The following FN1 variants were observed in gnomAD, a reference collection of about 807,000 sequenced individuals.
FN1 encodes fibronectin 1, also known as fibronectin.
Under a neutral mutation model 297.3 loss-of-function variants are expected in FN1, and 106 were observed. That is an observed-to-expected ratio of 0.36 (90% CI 0.30 to 0.42). The LOEUF (loss-of-function observed/expected upper bound fraction) is 0.42. Ranked by LOEUF, FN1 falls within the 10% of genes least tolerant of loss-of-function variation. The pLI, the probability that FN1 is intolerant of heterozygous loss-of-function variation, is 1.00. For synonymous variants in FN1, 1,149 were observed against 1,152.6 expected (o/e 1.00, Z 0.06); for missense variants, 2,690 against 3,124.9 (o/e 0.86, Z 3.32).
intron 12 of FN1, among the ~76,000 whole-genome samples, chr2:215,416,469 C>A (rs968443500): frequency 3.3e-5 from 5 of 152,024 alleles, no homozygotes; most frequent in Non-Finnish European, 1.5e-5. Flanking sequence ...GACAACTATT[C>A]AAGAAAAATT....
chr2:215,367,717 T>C, intron 42 of FN1, 146 bp downstream of exon 42: 1 of 818,240 alleles, frequency 1.2e-6, no homozygotes, highest in African/African-American at 1.7e-5. Flanking sequence ...TGATGCAAAA[T>C]ATTACTTCGA....
chr2:215,400,262 G>A (rs952475652), intron 20 of FN1, among the ~76,000 whole-genome samples: 2 of 151,954 alleles, frequency 1.3e-5, no homozygotes, highest in African/African-American at 2.4e-5. Context: ...TGCAATAAAA[G>A]ATGCTATATA....
chr2:215,391,932 C>T, intron 25 of FN1, 118 bp from the exon 26 acceptor site: 1 of 844,770 alleles, frequency 1.2e-6, no homozygotes, highest in Non-Finnish European at 2.0e-6. Flanking sequence ...CATAATCATG[C>T]AAACAGTCTA....
In FN1 at chr2:215,435,913, G is replaced by C. The variant is rs2067403456; in HGVS notation, c.-111C>G. The C allele has an allele frequency of 2.1e-6, 3 of 1,456,450 alleles. No homozygotes were observed. Among genetic ancestry groups the C allele is most frequent in the Admixed American group, 2.4e-5 (1 of 42,280 alleles). 90.2% of individuals were successfully genotyped at this position (1,456,450 alleles called of 1,614,324 possible). Reference sequence around the variant, plus strand: ...CTTCTAATGCCTCCCGGGGGTTGTCGCCTCCAAGAAGGTGGGGGCCAGAGG... The same window carrying C: ...CTTCTAATGCCTCCCGGGGGTTGTCCCCTCCAAGAAGGTGGGGGCCAGAGG... On this transcript the variant is annotated 5_prime_UTR_variant, in exon 1 of 46. Transcript: ENST00000354785.
At chr2:215,400,018 T>C (rs965680428) in intron 20 of FN1, among the ~76,000 whole-genome samples, 3 of 151,906 alleles carry the variant, frequency 2.0e-5, no homozygotes, top group African/African-American at 4.8e-5. Context: ...TGAAACCCTG[T>C]CTCTATTAAA....
Position 215,407,208 on chromosome 2 carries a change from T to C in FN1, c.2632A>G (p.Ile878Val), listed in dbSNP as rs748525241. The change falls in exon 18 of 46, where the codon ATC becomes GTC. Residue 878 changes from isoleucine (I) to valine (V), a missense_variant. Ile to Val is a conservative substitution (Grantham distance 29). This residue lies in a region of FN1 where 71 missense variants were observed against 121.7 expected (regional missense o/e 0.58). Transcript: ENST00000354785. ...TTTTCTTCCACAGCATAGATAGTGA[T>C]GTTATACTGAACACCAGGTTGCAAG... ...SDLQPGVQYN[I>V]TIYAVEENQE... 6.2e-7 allele frequency: 1 copy of C among 1,613,926 alleles called. No homozygotes were observed. The highest frequency in any genetic ancestry group is 8.5e-7 in the Non-Finnish European group (1 of 1,179,902).
chr2:215,416,070 C>G (rs988109243), intron 12 of FN1, among the ~76,000 whole-genome samples: 1 of 152,058 alleles, frequency 6.6e-6, no homozygotes, highest in Non-Finnish European at 1.5e-5. Flanking sequence ...AAAAAAAATA[C>G]ATTGATTTTC....
chr2:215,424,049 G>T, intron 8 of FN1, 97 bp downstream of exon 8: 1 of 1,218,084 alleles, frequency 8.2e-7, no homozygotes, highest in Non-Finnish European at 1.2e-6. Flanking sequence ...ATGCTTCTTG[G>T]GCGGGTTCAA....
chr2:215,361,692 T>A, intron 45 of FN1, 66 bp from the exon 46 acceptor site: 1 of 1,243,632 alleles, frequency 8.0e-7, no homozygotes, highest in Non-Finnish European at 1.2e-6. Context: ...GAAAAAAAAA[T>A]GCGGGGAGGT....
At chr2:215,399,544 T>A (rs1309215692) in intron 20 of FN1, among the ~76,000 whole-genome samples, 193 bp from the exon 21 acceptor site, 1 of 152,160 alleles carries the variant, frequency 6.6e-6, no homozygotes, top group East Asian at 1.9e-4. Flanking sequence ...ACACACATCA[T>A]CTGGGGTCTG....
intron 20 of FN1, among the ~76,000 whole-genome samples, chr2:215,401,342 G>T (rs1247047681): frequency 1.3e-5 from 2 of 151,528 alleles, no homozygotes; most frequent in African/African-American, 4.9e-5. Context: ...AAAGGGAAAG[G>T]AAAGGAAAGA....
Position 215,381,056 on chromosome 2 carries a change from GCCAGT to G in FN1, c.5184_5188del (p.Leu1729IlefsTer3). ...GGAATCGACATCCACATCAGTGAATGCCAGTCCTTTAGGGCGATCAATGTCTGTTA... is the reference window on the plus strand; with the variant it reads ...GGAATCGACATCCACATCAGTGAATGCCTTTAGGGCGATCAATGTCTGTTA... On this transcript the variant is annotated frameshift_variant, in exon 33 of 46. Transcript: ENST00000354785. LOFTEE classifies it high-confidence loss of function. 6.2e-7 allele frequency: 1 copy of G among 1,614,184 alleles called. No homozygotes were observed. The highest frequency in any genetic ancestry group is 8.5e-7 in the Non-Finnish European group (1 of 1,179,986).
At chr2:215,429,751 C>T (rs1191709533) in intron 5 of FN1, among the ~76,000 whole-genome samples, 3 of 152,192 alleles carry the variant, frequency 2.0e-5, no homozygotes, top group African/African-American at 7.2e-5. Context: ...ATGTTCATTT[C>T]ATATCTGCAC....
At chr2:215,366,263 T>G (rs1310218605) in intron 42 of FN1, among the ~76,000 whole-genome samples, 1 of 152,150 alleles carries the variant, frequency 6.6e-6, no homozygotes, top group Non-Finnish European at 1.5e-5. Context: ...TTCTCACTAT[T>G]AAGATTTAAA....
chr2:215,390,356 TG>T (rs1354631685), intron 26 of FN1, among the ~76,000 whole-genome samples: 7 of 152,106 alleles, frequency 4.6e-5, no homozygotes, highest in African/African-American at 1.7e-4. Flanking sequence ...GGCTAATTTT[TG>T]TATTTTTTGT....
Position 215,406,385 on chromosome 2 carries a change from G to A in FN1, c.2839C>T (p.Pro947Ser). Residue 947 changes from proline (P) to serine (S), a missense_variant, in exon 19 of 46, where the codon CCT (proline) becomes TCT (serine). This residue lies in a region of FN1 where 1,743 missense variants were observed against 1,945.2 expected (regional missense o/e 0.90). Coordinates refer to ENST00000354785, the MANE Select transcript of FN1 (RefSeq NM_212482.4). ...GGCAGCCTCTGCCCGTGCTCGCCAG[G>A]CAGGTTGACGGGGATCACATCCACA... is the stretch of plus-strand genomic sequence containing the variant. ...YRVDVIPVNL[P>S]GEHGQRLPIS... The A allele has an allele frequency of 6.2e-7, 1 of 1,614,190 alleles. No individual in the cohort carries two copies. Among genetic ancestry groups the A allele is most frequent in the Non-Finnish European group, 8.5e-7 (1 of 1,180,050 alleles).
intron 44 of FN1, chr2:215,364,393 T>C (rs1433031620): frequency 8.7e-6 from 2 of 228,900 alleles, no homozygotes; most frequent in South Asian, 7.1e-5. Context: ...CTTAACACTT[T>C]GCTGAAAAAT....
intron 5 of FN1, among the ~76,000 whole-genome samples, chr2:215,429,044 A>C (rs2066002551): frequency 6.6e-6 from 1 of 152,090 alleles, no homozygotes; most frequent in Non-Finnish European, 1.5e-5. Context: ...AAAACAAAAA[A>C]AACAAGCAAA....
chr2:215,424,978 G>T, intron 7 of FN1, 116 bp downstream of exon 7: 1 of 901,334 alleles, frequency 1.1e-6, no homozygotes, highest in Non-Finnish European at 1.8e-6. Flanking sequence ...GTTATCACAG[G>T]GTGGTAAGAT....
Sources: gnomAD v4.1 joint callset for allele counts (sites outside exome capture counted in the v4.1 genomes callset) on GRCh38, gnomAD v4.1.1 for gene constraint, gnomAD v4.1.1 regional missense constraint, MANE v1.5 for transcripts, NCBI Gene and HGNC (gene_info 2026-07-23, HGNC 2026-07-21) for gene names.